Variants in NAV2 observed in about 807,000 individuals in gnomAD.
NAV2 encodes the protein neuron navigator 2, also known as helicase, APC down-regulated 1.
A neutral mutation model predicts 223.2 loss-of-function variants in NAV2; 54 were observed. The observed-to-expected ratio is 0.24, with a 90% confidence interval of 0.19 to 0.30. The LOEUF (loss-of-function observed/expected upper bound fraction) is 0.30. NAV2 is among the 10% of genes least tolerant of loss of function. NAV2 has a pLI of 1.00. For synonymous variants in NAV2, 1,279 were observed against 1,239.3 expected, an observed-to-expected ratio of 1.03 and a Z score of -0.67; for missense variants, 2,806 against 3,147.5, an observed-to-expected ratio of 0.89 and a Z score of 2.60.
At chr11:19,354,839 C>T (rs1380595310) in intron 1 of NAV2, among the ~76,000 whole-genome samples, 3 of 152,170 alleles carry the variant, frequency 2.0e-5, no homozygotes, top group African/African-American at 4.8e-5. Flanking sequence ...AGGCAGCTCT[C>T]AGATGTGAAT....
At chr11:19,448,964 A>G (rs955636888) in intron 1 of NAV2, among the ~76,000 whole-genome samples, 1 of 152,000 alleles carries the variant, frequency 6.6e-6, no homozygotes, top group South Asian at 2.1e-4. Flanking sequence ...TGTAAAATAA[A>G]CCACCCAGTA....
chr11:19,654,463 G>A lies in NAV2; in HGVS notation c.76-178021G>A, dbSNP rs2048059796. ...ATCATAGGCCAAAAGAACAAAGCTGGAAGCATCATGCTACCTGACTTCAAA... is the reference window on the plus strand; with the variant it reads ...ATCATAGGCCAAAAGAACAAAGCTGAAAGCATCATGCTACCTGACTTCAAA... On this transcript the variant is annotated intron_variant, in intron 1 of 37. Coordinates refer to the NAV2 transcript ENST00000360655. 2.6e-5 allele frequency among the ~76,000 whole-genome samples: 4 copies of A among 152,254 alleles called. No individual in the cohort carries two copies. The South Asian group carries it at 8.3e-4, about 32-fold the overall frequency.
chr11:20,118,228 C>G lies in NAV2; in HGVS notation c.7260C>G (p.Ile2420Met). Residue 2420 changes from isoleucine to methionine, a missense_variant, in exon 38 of 38, where the codon ATC becomes ATG. Physicochemically the swap from Ile to Met is conservative, Grantham distance 10. Around this residue, in one of 4 missense-constraint regions of NAV2, gnomAD observed 824 missense variants for 1,069.4 expected, o/e 0.77. Coordinates refer to ENST00000349880, the MANE Select transcript of NAV2 (RefSeq NM_145117.5). Reference protein sequence around the residue: ...DSNSNSHHDDILDSSLESTL With the variant: ...DSNSNSHHDDMLDSSLESTL Reference sequence around the variant, plus strand: ...ACAGCAACAGCCATCACGATGACATCTTGGACTCCTCTTTGGAGTCCACTC... The same window carrying G: ...ACAGCAACAGCCATCACGATGACATGTTGGACTCCTCTTTGGAGTCCACTC... The G allele has an allele frequency of 6.2e-7, 1 of 1,614,112 alleles. No individual in the cohort carries two copies. Among genetic ancestry groups the G allele is most frequent in the Middle Eastern group, 1.6e-4 (1 of 6,062 alleles).
At chr11:19,613,149 C>A (rs981512238) in intron 1 of NAV2, among the ~76,000 whole-genome samples, 1 of 152,010 alleles carries the variant, frequency 6.6e-6, no homozygotes, top group Non-Finnish European at 1.5e-5. Context: ...TTTCAATTAC[C>A]CCGCCCCCGC....
chr11:20,063,713 G>T (rs2058857843), intron 20 of NAV2, among the ~76,000 whole-genome samples: 1 of 152,010 alleles, frequency 6.6e-6, no homozygotes, highest in Non-Finnish European at 1.5e-5. Context: ...AGTAATTTGG[G>T]AATTTCTACA....
chr11:19,999,992 A>G (rs764774844), intron 11 of NAV2, among the ~76,000 whole-genome samples: 1 of 152,228 alleles, frequency 6.6e-6, no homozygotes, highest in Non-Finnish European at 1.5e-5. Context: ...CACCGTGGCC[A>G]CTGGCCTGTG....
At chr11:19,866,521 C>T (rs2062103204) in intron 3 of NAV2, among the ~76,000 whole-genome samples, 1 of 152,036 alleles carries the variant, frequency 6.6e-6, no homozygotes, top group South Asian at 2.1e-4. Flanking sequence ...AAAGAAAGTC[C>T]AGCAGATGGC....
intron 10 of NAV2, among the ~76,000 whole-genome samples, chr11:19,962,151 T>C (rs67208360): frequency 0.43 from 65,369 of 150,390 alleles, 15,946 homozygotes; most frequent in Non-Finnish European, 0.54. Context: ...GGCTGAGAGA[T>C]CCAGAGTAGA....
At position 19,669,660 on chromosome 11, in the gene NAV2, C is replaced by CT. The variant is rs2048523135; in HGVS notation, c.76-162823dup. Among the ~76,000 whole-genome samples, 2 of 152,242 alleles carry CT rather than the reference C, an allele frequency of 1.3e-5. 1 individual carries two copies. Among genetic ancestry groups the CT allele is most frequent in the South Asian group, 4.1e-4 (2 of 4,830 alleles). ...ATCCTGCTTGCAATGAAGCTCAGCA[C>CT]TAGTGAGCCTTTGAGCCAGAAGCAC... On this transcript the variant is annotated intron_variant, in intron 1 of 37. Transcript: ENST00000360655.
chr11:19,630,474 G>C (rs1223352053), intron 1 of NAV2, among the ~76,000 whole-genome samples: 1 of 152,220 alleles, frequency 6.6e-6, no homozygotes, highest in Non-Finnish European at 1.5e-5. Flanking sequence ...ATGATGGTGA[G>C]AAGAGCAAGG....
At chr11:19,412,785 G>T (rs944827280) in intron 1 of NAV2, among the ~76,000 whole-genome samples, 7 of 152,202 alleles carry the variant, frequency 4.6e-5, no homozygotes, top group Non-Finnish European at 1.0e-4. Flanking sequence ...GGCAAAGAGG[G>T]TCTGGAGTGG....
At chr11:19,544,687 T>A (rs963236473) in intron 1 of NAV2, among the ~76,000 whole-genome samples, 1 of 152,148 alleles carries the variant, frequency 6.6e-6, no homozygotes, top group Admixed American at 6.6e-5. Context: ...CTGGCCACCT[T>A]ATCCTGCTAG....
chr11:20,044,043 G>A lies in NAV2; in HGVS notation c.2970G>A (p.Lys990=). 1 of 1,614,210 alleles carries A rather than the reference G, an allele frequency of 6.2e-7. No homozygotes were observed. The highest frequency in any genetic ancestry group is 8.5e-7 in the Non-Finnish European group (1 of 1,180,034). The change falls in exon 13 of 38, where the codon AAG becomes AAA. Residue 990 remains lysine, a synonymous_variant. Coordinates refer to ENST00000349880, the MANE Select transcript of NAV2 (RefSeq NM_145117.5). ...RNSLWSGDDV[K]KSDGGSDSGI... The stretch of plus-strand genomic sequence containing the variant: ...CCCTGTGGTCTGGTGATGATGTCAA[G>A]AAATCAGACGGAGGCTCAGACAGCG...
intron 1 of NAV2, among the ~76,000 whole-genome samples, chr11:19,758,171 T>C (rs2054393609): frequency 6.6e-6 from 1 of 152,230 alleles, no homozygotes; most frequent in Admixed American, 6.5e-5. Context: ...ACATCTCTAT[T>C]TGAGGCACTG....
chr11:19,781,225 A>T (rs947346716), intron 1 of NAV2, among the ~76,000 whole-genome samples: 3 of 152,220 alleles, frequency 2.0e-5, no homozygotes, highest in African/African-American at 7.2e-5. Context: ...GAACTGCTGT[A>T]TCAGACACCC....
intron 1 of NAV2, among the ~76,000 whole-genome samples, chr11:19,632,320 G>C (rs1282762349): frequency 1.3e-5 from 2 of 152,148 alleles, no homozygotes; most frequent in Admixed American, 1.3e-4. Flanking sequence ...GTTAAATCAA[G>C]ACCTTGAATA....
In NAV2 at chr11:20,056,668, C is replaced by G. The variant is rs373322304; in HGVS notation, c.4831+711C>G. ...AAAATTCTGTGGAGGATATCATCCC[C>G]ACCCCATGAAGATGGGGCTGATGGG... On this transcript the variant is annotated intron_variant, in intron 19 of 37. Transcript: ENST00000349880. 1,725 of 1,379,464 alleles carry G rather than the reference C, an allele frequency of 1.3e-3. 9 individuals carry two copies. Among genetic ancestry groups the G allele is most frequent in the Middle Eastern group, 2.2e-3 (12 of 5,574 alleles). The allele number at this position is 1,379,464 out of a possible 1,614,324, so 85.5% of individuals were successfully genotyped here. A position where few individuals can be genotyped will look rare whatever the true frequency, so the allele number is the denominator to read the frequency against.
intron 1 of NAV2, among the ~76,000 whole-genome samples, chr11:19,369,025 C>G (rs1040972231): frequency 3.9e-5 from 6 of 152,190 alleles, no homozygotes; most frequent in African/African-American, 1.4e-4. Context: ...TTTACAGACT[C>G]TAGCTGAGAA....
At chr11:19,920,828 CT>C (rs2044216177) in intron 6 of NAV2, among the ~76,000 whole-genome samples, 1 of 152,136 alleles carries the variant, frequency 6.6e-6, no homozygotes, top group South Asian at 2.1e-4. Flanking sequence ...ATTCTTTCCA[CT>C]TCATTATAAT....
Sources: allele counts gnomAD v4.1 joint callset (sites outside exome capture counted in the v4.1 genomes callset), GRCh38; gene constraint gnomAD v4.1.1; regional missense constraint gnomAD v4.1.1; transcripts MANE v1.5; gene names NCBI Gene and HGNC (gene_info 2026-07-23, HGNC 2026-07-21).